Variants in DGKI observed in about 807,000 individuals in gnomAD.
DGKI encodes diacylglycerol kinase iota, also known as DAG kinase iota.
A neutral mutation model predicts 147.5 loss-of-function variants in DGKI; 55 were observed. The observed-to-expected ratio is 0.37, with a 90% CI of 0.30 to 0.47. The LOEUF (loss-of-function observed/expected upper bound fraction) is 0.47. DGKI is among the 20% of genes least tolerant of loss of function. The pLI, the probability that DGKI is intolerant of heterozygous loss-of-function variation, is 1.00. For synonymous variants in DGKI, 469 were observed against 477.1 expected, an observed-to-expected ratio of 0.98 and a Z score of 0.22; for missense variants, 1,007 against 1,323.8, an observed-to-expected ratio of 0.76 and a Z score of 3.71.
At chr7:137,685,632 C>T (rs1384213729) in intron 2 of DGKI, among the ~76,000 whole-genome samples, 1 of 152,162 alleles carries the variant, frequency 6.6e-6, no homozygotes, top group African/African-American at 2.4e-5. Context: ...GCATTACTTC[C>T]TTCCTTTCTA....
chr7:137,469,548 A>G lies in DGKI; in HGVS notation c.2443+2T>C, dbSNP rs1404932124. 6.2e-7 allele frequency: 1 copy of G among 1,613,546 alleles called. No homozygotes were observed. Among genetic ancestry groups the G allele is most frequent in the Non-Finnish European group, 8.5e-7 (1 of 1,179,808 alleles). On this transcript the variant is annotated splice_donor_variant, in intron 24 of 32. Transcript: ENST00000614521. LOFTEE classifies it high-confidence loss of function. ...GATACCCGCAAGAAAGGCAGAACTC[A>G]CCATCTAGGAAGCACCACCGAGGAG...
chr7:137,420,864 C>G (rs1044892055), intron 28 of DGKI, among the ~76,000 whole-genome samples: 6 of 152,120 alleles, frequency 3.9e-5, no homozygotes, highest in South Asian at 4.1e-4. Context: ...GCTAAAAATA[C>G]AAAAATTAGC....
chr7:137,674,622 C>A (rs1213383594), intron 3 of DGKI, among the ~76,000 whole-genome samples: 1 of 152,150 alleles, frequency 6.6e-6, no homozygotes, highest in Non-Finnish European at 1.5e-5. Flanking sequence ...AAACCTAACT[C>A]CATTCTTACT....
At chr7:137,757,298 C>T (rs1795719455) in intron 1 of DGKI, among the ~76,000 whole-genome samples, 1 of 152,300 alleles carries the variant, frequency 6.6e-6, no homozygotes, top group East Asian at 1.9e-4. Flanking sequence ...TGCTCTTCAG[C>T]CACAGACACT....
At chr7:137,471,021 A>T (rs1262573403) in intron 23 of DGKI, among the ~76,000 whole-genome samples, 1 of 152,228 alleles carries the variant, frequency 6.6e-6, no homozygotes, top group South Asian at 2.1e-4. Flanking sequence ...TTGAAAACTG[A>T]AAGGATTTTC....
At chr7:137,665,762 A>C (rs1227233141) in intron 3 of DGKI, among the ~76,000 whole-genome samples, 1 of 152,114 alleles carries the variant, frequency 6.6e-6, no homozygotes, top group Non-Finnish European at 1.5e-5. Context: ...AGAAAGAAAA[A>C]GTTGTCTATT....
At chr7:137,629,977 A>T (rs1821072584) in intron 6 of DGKI, among the ~76,000 whole-genome samples, 1 of 152,164 alleles carries the variant, frequency 6.6e-6, no homozygotes, top group South Asian at 2.1e-4. Flanking sequence ...TTTCTATACA[A>T]ATTTTACTAG....
chr7:137,550,833 CA>C lies in DGKI; in HGVS notation c.2147+1535del. Among the ~76,000 whole-genome samples the C allele has an allele frequency of 2.6e-5, 4 of 152,306 alleles. No homozygotes were observed. In the Middle Eastern group the frequency reaches 0.014, roughly 518 times the overall value. ...TAACTATCTACAAGTGACCCAACAA[CA>C]TAGGCTATAGCACAGTTTCAGAGAT... On this transcript the variant is annotated intron_variant, in intron 20 of 32. Coordinates refer to ENST00000614521, the MANE Select transcript of DGKI (RefSeq NM_001321708.2).
intron 1 of DGKI, among the ~76,000 whole-genome samples, chr7:137,749,339 T>TA (rs1795432559): frequency 6.6e-6 from 1 of 152,180 alleles, no homozygotes; most frequent in Non-Finnish European, 1.5e-5. Context: ...CTGCTCCTGG[T>TA]AGACATCCCC....
intron 30 of DGKI, 48 bp downstream of exon 30, chr7:137,407,827 G>A (rs1454872788): frequency 6.2e-7 from 1 of 1,602,124 alleles, no homozygotes; most frequent in Middle Eastern, 1.7e-4. Flanking sequence ...AAAATGCAAT[G>A]GATTTCACAG....
chr7:137,719,220 C>T (rs1166048187), intron 1 of DGKI, among the ~76,000 whole-genome samples: 1 of 152,044 alleles, frequency 6.6e-6, no homozygotes, highest in Non-Finnish European at 1.5e-5. Context: ...GAATTACAGC[C>T]ACAAAGGGCA....
At chr7:137,462,708 C>T (rs1354581538) in intron 27 of DGKI, among the ~76,000 whole-genome samples, 3 of 152,054 alleles carry the variant, frequency 2.0e-5, no homozygotes, top group Non-Finnish European at 4.4e-5. Context: ...TGATTAAGAC[C>T]CCAGGTAAAC....
chr7:137,592,940 G>A (rs1819665972), intron 12 of DGKI, among the ~76,000 whole-genome samples: 1 of 152,156 alleles, frequency 6.6e-6, no homozygotes, highest in Admixed American at 6.5e-5. Flanking sequence ...AGTGAGAGAG[G>A]ATGAAATATA....
At chr7:137,611,257 G>T (rs906647899) in intron 8 of DGKI, among the ~76,000 whole-genome samples, 14 of 152,168 alleles carry the variant, frequency 9.2e-5, no homozygotes, top group Middle Eastern at 3.2e-3. Context: ...GGCAGGAACA[G>T]TATGTATTTG....
chr7:137,809,166 G>A (rs1797481416), intron 1 of DGKI, among the ~76,000 whole-genome samples: 1 of 152,190 alleles, frequency 6.6e-6, no homozygotes, highest in African/African-American at 2.4e-5. Flanking sequence ...AGGCAAGAGA[G>A]CTTTATAAAC....
intron 10 of DGKI, among the ~76,000 whole-genome samples, chr7:137,605,005 C>T (rs706572): frequency 6.6e-6 from 1 of 151,954 alleles, no homozygotes; most frequent in Non-Finnish European, 1.5e-5. Context: ...CTCTTTCCAC[C>T]GAAGGAGGTA....
intron 27 of DGKI, among the ~76,000 whole-genome samples, chr7:137,459,405 C>CT (rs1356560780): frequency 6.7e-6 from 1 of 149,368 alleles, no homozygotes; most frequent in Non-Finnish European, 1.5e-5. Flanking sequence ...GTTTTCAGTA[C>CT]TTTTTTCTTT....
intron 20 of DGKI, among the ~76,000 whole-genome samples, chr7:137,547,439 T>A (rs200250920): frequency 2.0e-5 from 3 of 152,222 alleles, no homozygotes; most frequent in Non-Finnish European, 4.4e-5. Context: ...CTATTTCTCA[T>A]GGAAATTCCT....
chr7:137,586,398 AG>A (rs1819396945), intron 13 of DGKI, among the ~76,000 whole-genome samples: 1 of 151,900 alleles, frequency 6.6e-6, no homozygotes. Flanking sequence ...ACTGCACTTT[AG>A]CCTGGCGACA....
Sources: gnomAD v4.1 joint callset for allele counts (sites outside exome capture counted in the v4.1 genomes callset) on GRCh38, gnomAD v4.1.1 for gene constraint, MANE v1.5 for transcripts, NCBI Gene and HGNC (gene_info 2026-07-23, HGNC 2026-07-21) for gene names.